The following PIP4K2A variants were observed in gnomAD, a reference collection of about 807,000 sequenced individuals.
PIP4K2A encodes the protein phosphatidylinositol 5-phosphate 4-kinase type-2 alpha.
In PIP4K2A, 14 loss-of-function variants were observed where a neutral mutation model predicts 42.9. The ratio of observed to expected loss-of-function variants is 0.33; its 90% CI spans 0.22 to 0.51. The LOEUF (loss-of-function observed/expected upper bound fraction) is 0.51, where lower values mean the gene tolerates loss of function less well. PIP4K2A is among the 20% of genes least tolerant of loss of function. The pLI is 0.97. For missense variants in PIP4K2A, 434 were observed against 519.8 expected (o/e 0.83, Z 1.61); for synonymous variants, 192 against 192.2 (o/e 1.00, Z 0.01).
intron 5 of PIP4K2A, among the ~76,000 whole-genome samples, chr10:22,571,588 A>G (rs1202856724): frequency 1.3e-5 from 2 of 152,236 alleles, no homozygotes; most frequent in African/African-American, 4.8e-5. Context: ...CATTCAAACA[A>G]TGCATGCAAA....
chr10:22,625,161 A>G (rs968470006), intron 1 of PIP4K2A, among the ~76,000 whole-genome samples: 1 of 152,232 alleles, frequency 6.6e-6, no homozygotes, highest in African/African-American at 2.4e-5. Context: ...GTATTTACAA[A>G]TCTTTGTGGG....
chr10:22,663,133 C>T (rs1839239032), intron 1 of PIP4K2A, among the ~76,000 whole-genome samples: 1 of 152,228 alleles, frequency 6.6e-6, no homozygotes, highest in Admixed American at 6.5e-5. Context: ...ACAATTCCAG[C>T]TGTATTTAAA....
Position 22,635,837 on chromosome 10 carries a change from C to T in PIP4K2A, c.145-26120G>A, listed in dbSNP as rs113127059. ...TAGGAATGCTTAAGAGGTTTCACGC[C>T]CTTGAGAGTGGAAGAGTGGTGAAGC... On this transcript the variant is annotated intron_variant, in intron 1 of 9. Transcript: ENST00000376573. Among the ~76,000 whole-genome samples, 184 of 152,192 alleles carry T rather than the reference C, an allele frequency of 1.2e-3. 2 individuals are homozygous for T. Among genetic ancestry groups the T allele is most frequent in the African/African-American group, 4.2e-3 (173 of 41,526 alleles).
chr10:22,656,979 C>T (rs914504811), intron 1 of PIP4K2A, among the ~76,000 whole-genome samples: 17 of 152,254 alleles, frequency 1.1e-4, no homozygotes, highest in Admixed American at 2.6e-4. Flanking sequence ...AAATGATTCG[C>T]CAGTTAGATT....
intron 1 of PIP4K2A, chr10:22,691,640 G>A (rs1035501276): frequency 6.6e-6 from 1 of 152,090 alleles, no homozygotes; most frequent in Non-Finnish European, 1.5e-5. Flanking sequence ...ACAGTGAGGT[G>A]GCTCTCCCAT....
At chr10:22,664,208 T>TATATAC (rs1839301010) in intron 1 of PIP4K2A, among the ~76,000 whole-genome samples, 7 of 62,476 alleles carry the variant, frequency 1.1e-4, no homozygotes, top group Admixed American at 2.1e-4. Context: ...TATATACATA[T>TATATAC]ATATATATAC....
chr10:22,540,298 C>T (rs1792102717), intron 8 of PIP4K2A, among the ~76,000 whole-genome samples: 1 of 152,130 alleles, frequency 6.6e-6, no homozygotes, highest in East Asian at 1.9e-4. Flanking sequence ...AAAGAAACAA[C>T]CCTAACAACT....
chr10:22,646,910 ACT>A (rs1173860846), intron 1 of PIP4K2A, among the ~76,000 whole-genome samples: 2 of 151,470 alleles, frequency 1.3e-5, no homozygotes, highest in Admixed American at 1.3e-4. Flanking sequence ...TTCAGCAAAA[ACT>A]CTTCAAGACA....
chr10:22,694,767 A>T (rs1295201368), intron 1 of PIP4K2A: 1 of 152,252 alleles, frequency 6.6e-6, no homozygotes, highest in Non-Finnish European at 1.5e-5. Flanking sequence ...TATCTTTTGT[A>T]CAAAGAACTT....
intron 1 of PIP4K2A, among the ~76,000 whole-genome samples, chr10:22,675,664 T>C (rs1159019975): frequency 2.0e-5 from 3 of 152,126 alleles, no homozygotes; most frequent in Non-Finnish European, 2.9e-5. Flanking sequence ...CCATTATAAG[T>C]AATGAAAAGA....
At chr10:22,547,821 G>A (rs11818270) in intron 7 of PIP4K2A, among the ~76,000 whole-genome samples, 7,703 of 152,264 alleles carry the variant, frequency 0.051, 279 homozygotes, top group Non-Finnish European at 0.077. Flanking sequence ...TTTGTGTGCA[G>A]AAAAAGACTC....
chr10:22,652,194 T>G (rs760985157), intron 1 of PIP4K2A, among the ~76,000 whole-genome samples: 7 of 152,052 alleles, frequency 4.6e-5, no homozygotes, highest in Non-Finnish European at 7.4e-5. Context: ...CTTGGCTCAC[T>G]GCAACCTCTG....
At chr10:22,639,622 T>C (rs907495402) in intron 1 of PIP4K2A, among the ~76,000 whole-genome samples, 2 of 152,202 alleles carry the variant, frequency 1.3e-5, no homozygotes, top group South Asian at 2.1e-4. Flanking sequence ...TTAGAGTACA[T>C]TTTTTTCACA....
intron 6 of PIP4K2A, among the ~76,000 whole-genome samples, chr10:22,556,387 C>A (rs756833403): frequency 6.6e-6 from 1 of 152,122 alleles, no homozygotes; most frequent in Non-Finnish European, 1.5e-5. Context: ...ACTGAAAAGA[C>A]CTTTTGTTTA....
At chr10:22,689,680 TAA>T (rs1839823775) in intron 1 of PIP4K2A, among the ~76,000 whole-genome samples, 3 of 152,282 alleles carry the variant, frequency 2.0e-5, no homozygotes, top group Admixed American at 2.0e-4. Flanking sequence ...GGGATGACTG[TAA>T]ACAGATTTCA....
intron 3 of PIP4K2A, among the ~76,000 whole-genome samples, chr10:22,605,756 GAGA>G (rs1234541498): frequency 2.0e-5 from 3 of 151,752 alleles, no homozygotes; most frequent in Admixed American, 6.6e-5. Flanking sequence ...AGGACGTGGA[GAGA>G]AGGAGGAACA....
intron 1 of PIP4K2A, among the ~76,000 whole-genome samples, chr10:22,686,712 C>T (rs1204262413): frequency 1.3e-5 from 2 of 152,196 alleles, no homozygotes; most frequent in African/African-American, 4.8e-5. Flanking sequence ...TCTAGCAATC[C>T]TCCCACCTTT....
At chr10:22,585,613 T>A (rs1344957128) in intron 4 of PIP4K2A, among the ~76,000 whole-genome samples, 3 of 151,650 alleles carry the variant, frequency 2.0e-5, no homozygotes, top group Non-Finnish European at 4.4e-5. Context: ...CTCTCAATTT[T>A]TTTTTTTTTT....
chr10:22,647,800 T>C (rs549653052), intron 1 of PIP4K2A, among the ~76,000 whole-genome samples: 1 of 152,324 alleles, frequency 6.6e-6, no homozygotes, highest in South Asian at 2.1e-4. Flanking sequence ...AACAGGCTAC[T>C]GGCAACAAGT....
Sources: allele counts gnomAD v4.1 joint callset (sites outside exome capture counted in the v4.1 genomes callset), GRCh38; gene constraint gnomAD v4.1.1; transcripts MANE v1.5; gene names NCBI Gene and HGNC (gene_info 2026-07-23, HGNC 2026-07-21).